COPS7B: variants seen among roughly 807,000 people sequenced by gnomAD.
COPS7B encodes COP9 signalosome complex subunit 7b.
Under a neutral mutation model 33.4 loss-of-function variants are expected in COPS7B, and 9 were observed. That is an observed-to-expected ratio of 0.27 (90% CI 0.16 to 0.47). The LOEUF (loss-of-function observed/expected upper bound fraction) is 0.47. COPS7B is among the 20% of genes least tolerant of loss of function. The pLI is 0.99. For missense variants in COPS7B, 242 were observed against 318.2 expected (o/e 0.76, Z 1.82); for synonymous variants, 119 against 126.3 (o/e 0.94, Z 0.39).
chr2:231,784,903 C>A (rs145130561), upstream of COPS7B, among the ~76,000 whole-genome samples: 4,422 of 152,336 alleles, frequency 0.029, 215 homozygotes, highest in African/African-American at 0.1. Context: ...ACCTCCACCT[C>A]CTGGGTTCAA....
At chr2:231,798,996 T>G in intron 6 of COPS7B, 32 bp downstream of exon 6, 5 of 1,560,648 alleles carry the variant, frequency 3.2e-6, no homozygotes, top group Non-Finnish European at 4.4e-6. Context: ...TGTTTCTCTC[T>G]CCAGGCATAC....
At chr2:231,801,307 CA>C in intron 6 of COPS7B, 2 of 1,516,232 alleles carry the variant, frequency 1.3e-6, no homozygotes, top group South Asian at 2.5e-5. Flanking sequence ...GGAAATAACC[CA>C]TATTAGTTCC....
intron 6 of COPS7B, among the ~76,000 whole-genome samples, chr2:231,799,685 A>G (rs1481839316): frequency 6.6e-6 from 1 of 152,226 alleles, no homozygotes; most frequent in Non-Finnish European, 1.5e-5. Flanking sequence ...GGAGCCCTGC[A>G]CTGATTTTCC....
chr2:231,795,504 T>C (rs1033233878), intron 4 of COPS7B, among the ~76,000 whole-genome samples: 3 of 152,204 alleles, frequency 2.0e-5, no homozygotes, highest in Non-Finnish European at 4.4e-5. Context: ...CTTGTACTGA[T>C]TGTGGACTTC....
intron 6 of COPS7B, among the ~76,000 whole-genome samples, chr2:231,803,983 C>T (rs2049821615): frequency 6.6e-6 from 1 of 152,200 alleles, no homozygotes; most frequent in Non-Finnish European, 1.5e-5. Context: ...GGACTCATCA[C>T]TCAGCCCAGC....
At chr2:231,790,884 G>A (rs1359469201) in intron 2 of COPS7B, 1 of 152,082 alleles carries the variant, frequency 6.6e-6, no homozygotes, top group Non-Finnish European at 1.5e-5. Flanking sequence ...GACTACAGGC[G>A]CCCGCCACCG....
At chr2:231,791,416 A>T (rs190292741) in intron 2 of COPS7B, among the ~76,000 whole-genome samples, 2 of 152,384 alleles carry the variant, frequency 1.3e-5, no homozygotes, top group East Asian at 3.9e-4. Flanking sequence ...TAATGCAAAC[A>T]GAATCTTGAG....
At chr2:231,801,250 C>T (rs1251795432) in intron 6 of COPS7B, 3 of 1,549,052 alleles carry the variant, frequency 1.9e-6, no homozygotes, top group South Asian at 1.2e-5. Flanking sequence ...ATGAAGTCAG[C>T]CCTATCACAG....
intron 2 of COPS7B, chr2:231,789,061 G>A (rs2049334489): frequency 4.4e-6 from 1 of 229,688 alleles, no homozygotes; most frequent in Admixed American, 5.2e-5. Flanking sequence ...TTAAGGACCA[G>A]AAACCTCCAG....
chr2:231,783,658 A>G (rs999678171), upstream of COPS7B, among the ~76,000 whole-genome samples: 2 of 152,090 alleles, frequency 1.3e-5, no homozygotes. Context: ...GTTCTTTGAT[A>G]TATGCTTTGC....
At chr2:231,784,006 T>C (rs2049183431), upstream of COPS7B, among the ~76,000 whole-genome samples, 1 of 152,070 alleles carries the variant, frequency 6.6e-6, no homozygotes, top group Non-Finnish European at 1.5e-5. Context: ...CTTTTAGAGT[T>C]GGCAGGTTTT....
intron 3 of COPS7B, chr2:231,794,011 A>T (rs767467047): frequency 2.7e-5 from 13 of 474,830 alleles, no homozygotes; most frequent in Non-Finnish European, 4.6e-5. Flanking sequence ...CTCCATTAAG[A>T]TAATTGCCAC....
chr2:231,797,455 C>T (rs2049604321), intron 5 of COPS7B, among the ~76,000 whole-genome samples: 2 of 152,214 alleles, frequency 1.3e-5, no homozygotes, highest in African/African-American at 4.8e-5. Flanking sequence ...AATGGTCTGG[C>T]ACACAAAATC....
chr2:231,794,153 G>GAT, intron 3 of COPS7B, 110 bp from the exon 4 acceptor site: 1 of 721,720 alleles, frequency 1.4e-6, no homozygotes. Flanking sequence ...GCAAAGTCAT[G>GAT]ATAGTGATTC....
In COPS7B at chr2:231,790,940, T is replaced by A. The variant is rs886963693; in HGVS notation, c.163-793T>A. The stretch of plus-strand genomic sequence containing the variant: ...TTTTTAGTAGAGACGGGGTTTCACC[T>A]TGTTAGCCAGGATGGTCTCGATCTC... On this transcript the variant is annotated intron_variant, in intron 2 of 6. Transcript: ENST00000350033. 2.0e-5 allele frequency: 3 copies of A among 153,588 alleles called. No individual in the cohort carries two copies. The East Asian group carries it at 5.8e-4, about 30-fold the overall frequency. The allele number at this position is 153,588 out of a possible 1,614,324, so 9.5% of individuals were successfully genotyped here. A position where few individuals can be genotyped will look rare whatever the true frequency, so the allele number is the denominator to read the frequency against.
chr2:231,808,563 C>G lies in COPS7B; in HGVS notation c.*918C>G, dbSNP rs2049962144. ...CTGTTGCTGCTTCTGTCTTTTCACC[C>G]CTCCTTGGCTGATGACCCAGAGCCC... is the stretch of plus-strand genomic sequence containing the variant. On this transcript the variant is annotated 3_prime_UTR_variant, in exon 7 of 7. Transcript: ENST00000350033. The G allele has an allele frequency of 2.1e-6, 1 of 470,784 alleles. No individual in the cohort carries two copies. Among genetic ancestry groups the G allele is most frequent in the African/African-American group, 2.0e-5 (1 of 50,006 alleles). The allele number at this position is 470,784 out of a possible 1,614,324, so 29.2% of individuals were successfully genotyped here. A position where few individuals can be genotyped will look rare whatever the true frequency, so the allele number is the denominator to read the frequency against.
intron 4 of COPS7B, 29 bp from the exon 5 acceptor site, chr2:231,796,077 T>C: frequency 6.2e-7 from 1 of 1,602,728 alleles, no homozygotes; most frequent in Non-Finnish European, 8.5e-7. Context: ...CAGATGGTTT[T>C]TATAATGATC....
chr2:231,781,795 G>C (rs1351747637), upstream of COPS7B: 1 of 1,547,138 alleles, frequency 6.5e-7, no homozygotes, highest in Non-Finnish European at 8.7e-7. Flanking sequence ...GAAACCCAAC[G>C]GGAAGACCCT....
upstream of COPS7B, among the ~76,000 whole-genome samples, chr2:231,782,261 TCTC>T (rs2049148525): frequency 6.6e-6 from 1 of 152,222 alleles, no homozygotes; most frequent in African/African-American, 2.4e-5. Flanking sequence ...TGTGAATTAT[TCTC>T]CTTGAACGGT....
Sources: gnomAD v4.1 joint callset for allele counts (sites outside exome capture counted in the v4.1 genomes callset) on GRCh38, gnomAD v4.1.1 for gene constraint, MANE v1.5 for transcripts, NCBI Gene and HGNC (gene_info 2026-07-23, HGNC 2026-07-21) for gene names.